Variants in CABIN1 observed in about 807,000 individuals in gnomAD.
CABIN1 encodes the protein calcineurin binding protein 1.
CABIN1 carries 133 observed loss-of-function variants against 227.7 expected under a neutral mutation model. The observed-to-expected ratio is 0.58, with a 90% CI of 0.51 to 0.67. The LOEUF is 0.67. Ranked by LOEUF, CABIN1 falls within the 30% of genes least tolerant of loss-of-function variation. The pLI is 0.00. For missense variants in CABIN1, 2,408 were observed against 2,852.5 expected (o/e 0.84, Z 3.55); for synonymous variants, 1,086 against 1,155.1 (o/e 0.94, Z 1.21).
chr22:24,083,329 G>C lies in CABIN1; in HGVS notation c.2850G>C (p.Leu950=). ...ETALEQCFYC[L]YSFPSKKSKA... ...CCTTGGAGCAGTGCTTCTACTGCCT[G>C]TACAGCTTCCCCAGCAAGAAGAGTA... The change falls in exon 20 of 37, where the codon CTG becomes CTC. Residue 950 remains leucine (L), a synonymous_variant. Transcript: ENST00000263119. The C allele has an allele frequency of 6.2e-7, 1 of 1,613,910 alleles. No individual in the cohort carries two copies. The highest frequency in any genetic ancestry group is 8.5e-7 in the Non-Finnish European group (1 of 1,180,024).
chr22:24,170,460 C>T (rs1679367606), intron 33 of CABIN1, among the ~76,000 whole-genome samples: 1 of 152,200 alleles, frequency 6.6e-6, no homozygotes, highest in South Asian at 2.1e-4. Flanking sequence ...CTGCACTCAC[C>T]TTCCTCCAGC....
At chr22:24,147,391 CCCTT>C (rs905776489) in intron 29 of CABIN1, among the ~76,000 whole-genome samples, 2 of 147,056 alleles carry the variant, frequency 1.4e-5, no homozygotes, top group African/African-American at 2.5e-5. Context: ...CTCCGTTCCT[CCCTT>C]CCTTCCTTCC....
chr22:24,035,433 T>C lies in CABIN1; in HGVS notation c.-74-11T>C. 3.2e-6 allele frequency: 5 copies of C among 1,581,758 alleles called. No individual in the cohort carries two copies. The South Asian group carries it at 4.4e-5, about 14-fold the overall frequency. ...TAGGCCTTGTCTCAGTTTGTCCTATTTCCTTTCTAGGAGAGTTGTGGACTG... is the reference window on the plus strand; with the variant it reads ...TAGGCCTTGTCTCAGTTTGTCCTATCTCCTTTCTAGGAGAGTTGTGGACTG... On this transcript the variant is annotated splice_polypyrimidine_tract_variant and intron_variant, in intron 1 of 36. Coordinates refer to ENST00000263119, the MANE Select transcript of CABIN1 (RefSeq NM_012295.4).
intron 23 of CABIN1, among the ~76,000 whole-genome samples, chr22:24,088,333 G>A (rs1327338061): frequency 6.6e-6 from 1 of 152,198 alleles, no homozygotes; most frequent in Non-Finnish European, 1.5e-5. Context: ...CTCTTGGCCG[G>A]GTGTGGTGGC....
chr22:24,038,446 G>A lies in CABIN1; in HGVS notation c.195G>A (p.Ala65=), dbSNP rs151118318. 5 of 1,613,112 alleles carry A rather than the reference G, an allele frequency of 3.1e-6. No individual in the cohort carries two copies. The highest frequency in any genetic ancestry group is 2.2e-5 in the East Asian group (1 of 44,892). ...AAGCCTACCATGAGCTCTTGGAGGC[G>A]AGCCTGCTGCGGGAGGTGAGGCATC... ...SAKAYHELLE[A]SLLREAVSSG... is the part of the protein sequence containing the mutation. The change falls in exon 4 of 37, where the codon GCG becomes GCA. Residue 65 remains alanine, a synonymous_variant. Coordinates refer to ENST00000263119, the MANE Select transcript of CABIN1 (RefSeq NM_012295.4).
chr22:24,086,122 C>T (rs955114160), intron 22 of CABIN1, among the ~76,000 whole-genome samples: 3 of 152,218 alleles, frequency 2.0e-5, no homozygotes, highest in African/African-American at 7.2e-5. Context: ...TGGTTTCTTC[C>T]AGTCAGGGAG....
intron 26 of CABIN1, among the ~76,000 whole-genome samples, chr22:24,107,735 A>C (rs770664415): frequency 6.6e-6 from 1 of 152,206 alleles, no homozygotes; most frequent in African/African-American, 2.4e-5. Context: ...CATAATGATC[A>C]CAGCTGGGAT....
At chr22:24,016,943 C>A (rs1443290427) in intron 1 of CABIN1, among the ~76,000 whole-genome samples, 1 of 150,518 alleles carries the variant, frequency 6.6e-6, no homozygotes, top group Non-Finnish European at 1.5e-5. Flanking sequence ...TTTATCTGTT[C>A]GTATTTTTTC....
At chr22:24,167,787 C>T (rs1258976530) in intron 32 of CABIN1, among the ~76,000 whole-genome samples, 1 of 152,322 alleles carries the variant, frequency 6.6e-6, no homozygotes, top group South Asian at 2.1e-4. Flanking sequence ...GGATGACCAT[C>T]CCTGACATAC....
intron 27 of CABIN1, among the ~76,000 whole-genome samples, chr22:24,118,151 G>T (rs2061972220): frequency 6.6e-6 from 1 of 152,168 alleles, no homozygotes; most frequent in Admixed American, 6.5e-5. Flanking sequence ...ACCACTGGGG[G>T]CAGCGATGCA....
At chr22:24,110,076 C>T (rs896778582) in intron 26 of CABIN1, among the ~76,000 whole-genome samples, 2 of 152,130 alleles carry the variant, frequency 1.3e-5, no homozygotes, top group African/African-American at 2.4e-5. Flanking sequence ...GAGGCTGAGG[C>T]AGGAGGATTG....
chr22:24,064,512 G>GTTTTTTTTTT (rs782268156), intron 15 of CABIN1, among the ~76,000 whole-genome samples: 5 of 106,900 alleles, frequency 4.7e-5, no homozygotes, highest in African/African-American at 1.1e-4. Context: ...CAGCTGAAAG[G>GTTTTTTTTTT]TTTTTTTTTT....
At chr22:24,153,832 G>A (rs963347293) in intron 29 of CABIN1, among the ~76,000 whole-genome samples, 6 of 152,144 alleles carry the variant, frequency 3.9e-5, no homozygotes, top group Non-Finnish European at 8.8e-5. Flanking sequence ...ACTCAGCAGA[G>A]GCTTAGCACA....
chr22:24,054,828 CCT>C, intron 8 of CABIN1, 43 bp from the exon 9 acceptor site: 1 of 1,613,528 alleles, frequency 6.2e-7, no homozygotes. Context: ...TTGGAGTATT[CCT>C]CTGACAGGGT....
intron 26 of CABIN1, among the ~76,000 whole-genome samples, 153 bp from the exon 27 acceptor site, chr22:24,113,413 T>C (rs1055862172): frequency 1.3e-5 from 2 of 152,172 alleles, no homozygotes; most frequent in Non-Finnish European, 2.9e-5. Context: ...CTGGGATGGG[T>C]TGGGCCCAGC....
intron 28 of CABIN1, among the ~76,000 whole-genome samples, chr22:24,132,495 C>T (rs2044135578): frequency 1.3e-5 from 2 of 152,200 alleles, no homozygotes; most frequent in Non-Finnish European, 2.9e-5. Context: ...GAACCAGCCT[C>T]AAGAGGCTTC....
intron 26 of CABIN1, chr22:24,101,586 CAG>C (rs2042203224): frequency 6.6e-6 from 1 of 152,408 alleles, no homozygotes; most frequent in African/African-American, 2.4e-5. Context: ...GAGAGAACAA[CAG>C]AGAGAGAAGC....
intron 25 of CABIN1, among the ~76,000 whole-genome samples, chr22:24,096,721 G>A (rs2041916423): frequency 2.6e-5 from 4 of 152,232 alleles, no homozygotes; most frequent in Admixed American, 2.0e-4. Context: ...GGGGAATGTT[G>A]CAGCTGCCCA....
chr22:24,012,883 C>T (rs1219074302), intron 1 of CABIN1, among the ~76,000 whole-genome samples: 2 of 151,934 alleles, frequency 1.3e-5, no homozygotes, highest in Non-Finnish European at 2.9e-5. Context: ...GTCTCGGCCT[C>T]CCGAGTAGCT....
Sources: gnomAD v4.1 joint callset for allele counts (sites outside exome capture counted in the v4.1 genomes callset) on GRCh38, gnomAD v4.1.1 for gene constraint, MANE v1.5 for transcripts, NCBI Gene and HGNC (gene_info 2026-07-23, HGNC 2026-07-21) for gene names.